LOC400499: variants seen among roughly 807,000 people sequenced by gnomAD.
At chr16:11,444,264 G>T in the LOC400499 span, among the ~76,000 whole-genome samples, 1 of 152,154 alleles carries the variant, frequency 6.6e-6, no homozygotes, top group Non-Finnish European at 1.5e-5. Context: ...TGGGTGTGGT[G>T]GTGCACACTT....
the LOC400499 span, among the ~76,000 whole-genome samples, chr16:11,426,896 CAA>C: frequency 5.7e-5 from 6 of 105,946 alleles, no homozygotes; most frequent in Non-Finnish European, 9.4e-5. Flanking sequence ...GACCCCATCT[CAA>C]AAAAAAAAAA....
the LOC400499 span, among the ~76,000 whole-genome samples, chr16:11,416,167 C>T: frequency 4.6e-3 from 705 of 152,078 alleles, 5 homozygotes; most frequent in African/African-American, 0.016. Context: ...CCAGGCTAGT[C>T]TCGAACTCCT....
chr16:11,379,641 A>G, the LOC400499 span, among the ~76,000 whole-genome samples: 523 of 152,344 alleles, frequency 3.4e-3, 3 homozygotes, highest in African/African-American at 0.012. Context: ...TGCTGTGGGG[A>G]GACTCCAGCA....
chr16:11,443,261 T>C, the LOC400499 span: 4 of 308,078 alleles, frequency 1.3e-5, no homozygotes, highest in Admixed American at 4.8e-5. Context: ...GAGGCAGAGG[T>C]TGCAATGAGC....
the LOC400499 span, among the ~76,000 whole-genome samples, chr16:11,509,120 C>CT: frequency 0.58 from 75,301 of 130,746 alleles, 22,470 homozygotes; most frequent in Admixed American, 0.64. Context: ...CCTTTTTTTT[C>CT]TTTTTTTTTT....
chr16:11,420,859 C>T, the LOC400499 span, among the ~76,000 whole-genome samples: 15 of 152,330 alleles, frequency 9.8e-5, no homozygotes, highest in South Asian at 2.9e-3. Context: ...TGCCTGTGTA[C>T]TGGGTGTGCG....
At chr16:11,499,556 A>T in the LOC400499 span, among the ~76,000 whole-genome samples, 3 of 152,152 alleles carry the variant, frequency 2.0e-5, no homozygotes, top group East Asian at 3.9e-4. Flanking sequence ...AACACAGTCT[A>T]CCTGGAACAG....
At chr16:11,459,257 T>C in the LOC400499 span, among the ~76,000 whole-genome samples, 1 of 135,760 alleles carries the variant, frequency 7.4e-6, no homozygotes, top group African/African-American at 2.8e-5. Context: ...ACTGCAGTGG[T>C]GCGATCTCGG....
chr16:11,492,695 G>A, the LOC400499 span, among the ~76,000 whole-genome samples: 1 of 151,880 alleles, frequency 6.6e-6, no homozygotes, highest in African/African-American at 2.4e-5. Context: ...TGAGGCAGGA[G>A]AATGGCGTGA....
the LOC400499 span, among the ~76,000 whole-genome samples, chr16:11,400,359 T>C: frequency 6.6e-6 from 1 of 151,466 alleles, no homozygotes; most frequent in Non-Finnish European, 1.5e-5. Context: ...CGGGGCCGCC[T>C]CCCCCATGAG....
chr16:11,508,505 G>T, the LOC400499 span, among the ~76,000 whole-genome samples: 3 of 152,240 alleles, frequency 2.0e-5, no homozygotes, highest in Non-Finnish European at 4.4e-5. Context: ...ATCCAACCTG[G>T]ACTGGGGCAC....
the LOC400499 span, chr16:11,477,713 G>A: frequency 5.0e-6 from 2 of 396,512 alleles, no homozygotes; most frequent in East Asian, 3.6e-5. Context: ...GTGTTCTGCA[G>A]AATAGGGATC....
At chr16:11,496,075 T>A in the LOC400499 span, among the ~76,000 whole-genome samples, 1 of 151,174 alleles carries the variant, frequency 6.6e-6, no homozygotes, top group African/African-American at 2.4e-5. Flanking sequence ...TCCTTTTTTT[T>A]TTTTTCTCGA....
At chr16:11,501,025 G>A in the LOC400499 span, 11 of 398,412 alleles carry the variant, frequency 2.8e-5, no homozygotes, top group South Asian at 1.3e-4. Context: ...TCATCTCACC[G>A]AAGTCACCCG....
chr16:11,463,748 TG>T, the LOC400499 span, among the ~76,000 whole-genome samples: 2 of 152,144 alleles, frequency 1.3e-5, no homozygotes, highest in African/African-American at 4.8e-5. Flanking sequence ...TGTATATATA[TG>T]GATGTGTGTA....
At chr16:11,384,686 G>A in the LOC400499 span, among the ~76,000 whole-genome samples, 175 of 152,330 alleles carry the variant, frequency 1.1e-3, no homozygotes, top group African/African-American at 4.0e-3. Context: ...GAAAGCCCTG[G>A]GCCTCTGTGC....
chr16:11,383,151 T>C, the LOC400499 span, among the ~76,000 whole-genome samples: 65 of 151,866 alleles, frequency 4.3e-4, no homozygotes, highest in African/African-American at 1.3e-3. Flanking sequence ...CTGCAAGCTC[T>C]GCCTCCTGGG....
chr16:11,385,180 T>C, the LOC400499 span: 2 of 1,231,464 alleles, frequency 1.6e-6, no homozygotes, highest in Non-Finnish European at 2.0e-6. Flanking sequence ...GGAGGCTCAG[T>C]CCTACAGGCT....
chr16:11,441,131 C>A, the LOC400499 span: 3 of 398,550 alleles, frequency 7.5e-6, no homozygotes, highest in African/African-American at 4.1e-5. Context: ...TCTCTATGTG[C>A]CTGCAGAAGC....
Sources: gnomAD v4.1 joint callset for allele counts (sites outside exome capture counted in the v4.1 genomes callset) on GRCh38, gnomAD v4.1.1 for gene constraint, MANE v1.5 for transcripts.